ZIM2: variants seen among roughly 807,000 people sequenced by gnomAD.
ZIM2 encodes zinc finger protein 656.
Under a neutral mutation model 38.6 loss-of-function variants are expected in ZIM2, and 14 were observed. The observed-to-expected ratio is 0.36, with a 90% confidence interval of 0.24 to 0.57. The LOEUF is 0.57. Among genes scored for constraint, ZIM2 ranks in the 20% least tolerant of loss-of-function variants. The pLI is 0.81. For synonymous variants in ZIM2, 247 were observed against 245.8 expected (o/e 1.00, Z -0.04); for missense variants, 680 against 695.1 (o/e 0.98, Z 0.24).
At chr19:56,821,815 T>C (rs1410179804) in intron 6 of ZIM2, 61 bp from the exon 7 acceptor site, 4 of 1,586,626 alleles carry the variant, frequency 2.5e-6, no homozygotes, top group Non-Finnish European at 3.4e-6. Context: ...GGTCCCAGGT[T>C]TGTCCCACTC....
chr19:56,801,782 C>T (rs1008852615), intron 9 of ZIM2, among the ~76,000 whole-genome samples: 5 of 152,128 alleles, frequency 3.3e-5, no homozygotes, highest in South Asian at 2.1e-4. Flanking sequence ...AATTAGAGCT[C>T]GATGCTCTCA....
At chr19:56,812,322 C>A in intron 9 of ZIM2, 1 of 982,046 alleles carries the variant, frequency 1.0e-6, no homozygotes, top group Non-Finnish European at 1.2e-6. Flanking sequence ...CAGAAATACT[C>A]TAGGAGAGCT....
intron 2 of ZIM2, chr19:56,833,575 A>C: frequency 5.4e-6 from 1 of 186,496 alleles, no homozygotes; most frequent in Non-Finnish European, 1.1e-5. Context: ...GATTCCTTCT[A>C]GGGCAGTGGT....
intron 10 of ZIM2, among the ~76,000 whole-genome samples, chr19:56,784,184 T>G (rs899075849): frequency 7.2e-5 from 11 of 152,210 alleles, no homozygotes; most frequent in African/African-American, 2.7e-4. Context: ...AGGCTGAGCT[T>G]TGTAGTGCAT....
intron 4 of ZIM2, 111 bp downstream of exon 4, chr19:56,824,151 C>T (rs2060787566): frequency 1.3e-6 from 2 of 1,495,486 alleles, no homozygotes; most frequent in African/African-American, 2.8e-5. Flanking sequence ...CCCACCGCTG[C>T]CCAGGACAGA....
intron 9 of ZIM2, chr19:56,815,316 G>T (rs550298824): frequency 6.2e-7 from 1 of 1,614,160 alleles, no homozygotes. Flanking sequence ...GGTCTTCGCT[G>T]GTAGCAAAAA....
chr19:56,825,908 G>A (rs567887769), intron 3 of ZIM2, among the ~76,000 whole-genome samples: 27 of 152,170 alleles, frequency 1.8e-4, no homozygotes, highest in South Asian at 6.2e-4. Flanking sequence ...TGGTAATCAC[G>A]GTAAACTCAT....
chr19:56,828,269 A>G (rs1254142980), intron 2 of ZIM2, among the ~76,000 whole-genome samples: 4 of 152,188 alleles, frequency 2.6e-5, no homozygotes, highest in Non-Finnish European at 5.9e-5. Flanking sequence ...AGAAAACCCT[A>G]AAGAATCAAC....
At position 56,775,540 on chromosome 19, in the gene ZIM2, A is replaced by G. The variant is rs1284636575; in HGVS notation, c.836-11T>C. 1 of 1,588,806 alleles carries G rather than the reference A, an allele frequency of 6.3e-7. No homozygotes were observed. The highest frequency in any genetic ancestry group is 1.4e-5 in the African/African-American group (1 of 73,654). Reference sequence around the variant, plus strand: ...CATCATGAGACTCTCCTGCAGAGACAATGCCAGAAGTTACCTACCGCCCAA... The same window carrying G: ...CATCATGAGACTCTCCTGCAGAGACGATGCCAGAAGTTACCTACCGCCCAA... On this transcript the variant is annotated splice_polypyrimidine_tract_variant and intron_variant, in intron 12 of 12. Coordinates refer to ENST00000629319, the MANE Select transcript of ZIM2 (RefSeq NM_001387356.1).
chr19:56,832,125 T>C (rs994157429), intron 2 of ZIM2, among the ~76,000 whole-genome samples: 1 of 152,210 alleles, frequency 6.6e-6, no homozygotes, highest in Non-Finnish European at 1.5e-5. Flanking sequence ...CTCTGTTTCT[T>C]TTTCCATCTC....
intron 9 of ZIM2, among the ~76,000 whole-genome samples, chr19:56,800,008 T>A (rs1172675305): frequency 6.6e-6 from 1 of 152,138 alleles, no homozygotes. Context: ...GAAAATAAAT[T>A]GGTGGTTGCC....
rs76141961 is a variant in ZIM2, at chr19:56,783,136, C to T, written c.571-1015G>A. Among the ~76,000 whole-genome samples the T allele has an allele frequency of 8.2e-3, 1,251 of 152,098 alleles. 27 individuals are homozygous for T. Among genetic ancestry groups the T allele is most frequent in the African/African-American group, 0.029 (1,197 of 41,472 alleles). ...ACATGGATGGGCATGTTTATTATAG[C>T]ATGTTTGGAACATCCAAAATCTGGA... On this transcript the variant is annotated intron_variant, in intron 10 of 12. Transcript: ENST00000629319.
chr19:56,817,543 T>G, intron 9 of ZIM2: 1 of 1,598,238 alleles, frequency 6.3e-7, no homozygotes, highest in Non-Finnish European at 8.5e-7. Flanking sequence ...CCCCCGCCGG[T>G]GGGTTGATTT....
intron 5 of ZIM2, among the ~76,000 whole-genome samples, chr19:56,823,354 T>C (rs1265579614): frequency 6.6e-6 from 1 of 152,206 alleles, no homozygotes; most frequent in Non-Finnish European, 1.5e-5. Context: ...AAATTCCAAA[T>C]AGCTTTATAT....
At chr19:56,822,698 G>A in intron 6 of ZIM2, 55 bp downstream of exon 6, 1 of 1,601,948 alleles carries the variant, frequency 6.2e-7, no homozygotes, top group South Asian at 1.1e-5. Context: ...CCTTGAACCT[G>A]TGCACAGCAC....
rs991397077 is a variant in ZIM2, at chr19:56,794,214, C to T, written c.491-4263G>A. Among the ~76,000 whole-genome samples, 9 of 152,116 alleles carry T rather than the reference C, an allele frequency of 5.9e-5. No individual in the cohort carries two copies. In the East Asian group the frequency reaches 1.2e-3, roughly 20 times the overall value. ...ACTGTGCCAGTGGGTTAAGTACGAA[C>T]GGTAATATTATAAGTGATTTTTATA... On this transcript the variant is annotated intron_variant, in intron 9 of 12. Transcript: ENST00000629319.
chr19:56,821,828 C>T (rs2146306173), intron 6 of ZIM2, 74 bp from the exon 7 acceptor site: 1 of 1,523,808 alleles, frequency 6.6e-7, no homozygotes, highest in South Asian at 1.1e-5. Context: ...TCCCACTCAA[C>T]TATGAAGCCA....
At chr19:56,801,830 C>T (rs2047539486) in intron 9 of ZIM2, among the ~76,000 whole-genome samples, 1 of 152,164 alleles carries the variant, frequency 6.6e-6, no homozygotes, top group African/African-American at 2.4e-5. Context: ...AGGTGTCCAA[C>T]AACCGGGATA....
At position 56,814,577 on chromosome 19, in the gene ZIM2, C is replaced by G. The variant is rs957015459; in HGVS notation, c.490+3169G>C. 7 of 1,613,822 alleles carry G rather than the reference C, an allele frequency of 4.3e-6. No individual in the cohort carries two copies. Among genetic ancestry groups the G allele is most frequent in the South Asian group, 2.2e-5 (2 of 91,048 alleles). ...AGTTCTGCTGGGTTGACGAAAGATT[C>G]TCCACAGACTGCACATTCAAAGAGT... On this transcript the variant is annotated intron_variant, in intron 9 of 12. Coordinates refer to ENST00000629319, the MANE Select transcript of ZIM2 (RefSeq NM_001387356.1). The surrounding 1 kb of genome is among the most constrained non-coding windows in gnomAD (Gnocchi z 5.8).
Sources: allele counts gnomAD v4.1 joint callset (sites outside exome capture counted in the v4.1 genomes callset), GRCh38; gene constraint gnomAD v4.1.1; non-coding constraint Gnocchi (gnomAD v3.1); transcripts MANE v1.5; gene names NCBI Gene and HGNC (gene_info 2026-07-23, HGNC 2026-07-21).